The following SARM1 variants were observed in gnomAD, a reference collection of about 807,000 sequenced individuals.
SARM1 encodes the protein sterile alpha and TIR motif containing 1.
Under a neutral mutation model 65.1 loss-of-function variants are expected in SARM1, and 60 were observed. The observed-to-expected ratio is 0.92, with a 90% CI of 0.75 to 1.14. SARM1 has a LOEUF of 1.14. SARM1 is among the 50% of genes most tolerant of loss of function. SARM1 has a pLI of 0.00. For synonymous variants in SARM1, 417 were observed against 465.4 expected, an observed-to-expected ratio of 0.90 and a Z score of 1.34; for missense variants, 913 against 1,015.7, an observed-to-expected ratio of 0.90 and a Z score of 1.37.
Position 28,399,947 on chromosome 17 carries a change from G to T in SARM1, c.*3661G>T. The T allele has an allele frequency of 1.9e-6, 1 of 520,474 alleles. No individual in the cohort carries two copies. The highest frequency in any genetic ancestry group is 3.5e-6 in the Non-Finnish European group (1 of 288,054). 32.2% of individuals were successfully genotyped at this position (520,474 alleles called of 1,614,324 possible). On this transcript the variant is annotated 3_prime_UTR_variant, in exon 9 of 9. Transcript: ENST00000585482. ...CTTGCTCTGTTGTCCAGGCTGGAGGGCAGTGACATAATCATAGCTCACTGT... is the reference window on the plus strand; with the variant it reads ...CTTGCTCTGTTGTCCAGGCTGGAGGTCAGTGACATAATCATAGCTCACTGT...
chr17:28,392,229 A>G (rs2068084550), intron 7 of SARM1, among the ~76,000 whole-genome samples: 1 of 151,422 alleles, frequency 6.6e-6, no homozygotes, highest in Admixed American at 6.6e-5. Flanking sequence ...CCCCTGCCTC[A>G]GCCTCCTGAG....
chr17:28,399,956 T>A lies in SARM1; in HGVS notation c.*3670T>A, dbSNP rs1349530121. 1 of 506,194 alleles carries A rather than the reference T, an allele frequency of 2.0e-6. No individual in the cohort carries two copies. The highest frequency in any genetic ancestry group is 3.6e-6 in the Non-Finnish European group (1 of 279,404). The allele number at this position is 506,194 out of a possible 1,614,324, so 31.4% of individuals were successfully genotyped here. On this transcript the variant is annotated 3_prime_UTR_variant, in exon 9 of 9. Coordinates refer to ENST00000585482, the MANE Select transcript of SARM1 (RefSeq NM_015077.4). ...TTGTCCAGGCTGGAGGGCAGTGACA[T>A]AATCATAGCTCACTGTACCCTTGAA...
At chr17:28,383,619 G>A (rs1185610981) in intron 2 of SARM1, among the ~76,000 whole-genome samples, 6 of 152,290 alleles carry the variant, frequency 3.9e-5, no homozygotes, top group East Asian at 1.9e-4. Flanking sequence ...CTTTCCCATC[G>A]AGGCCAAGTG....
intron 1 of SARM1, among the ~76,000 whole-genome samples, chr17:28,378,422 CTAT>C (rs1247955030): frequency 1.3e-5 from 2 of 152,236 alleles, no homozygotes; most frequent in Non-Finnish European, 2.9e-5. Flanking sequence ...AATGCCCACA[CTAT>C]TCTCTTGCCC....
chr17:28,375,204 C>G (rs782098914), intron 1 of SARM1, among the ~76,000 whole-genome samples: 1 of 152,150 alleles, frequency 6.6e-6, no homozygotes, highest in Non-Finnish European at 1.5e-5. Flanking sequence ...TATTCACAGT[C>G]CACCCCCTTC....
In SARM1 at chr17:28,396,549, G is replaced by C. The variant is rs1555588078; in HGVS notation, c.*263G>C. On this transcript the variant is annotated 3_prime_UTR_variant, in exon 9 of 9. Coordinates refer to ENST00000585482, the MANE Select transcript of SARM1 (RefSeq NM_015077.4). ...CATTGGGTTGTCTGTCTCCGTCATG[G>C]GGAGGGTCCCTGCTCAGTTCTGGAG... The C allele has an allele frequency of 1.9e-6, 1 of 522,986 alleles. No homozygotes were observed. The highest frequency in any genetic ancestry group is 3.4e-6 in the Non-Finnish European group (1 of 289,866). 32.4% of individuals were successfully genotyped at this position (522,986 alleles called of 1,614,324 possible).
At position 28,381,207 on chromosome 17, in the gene SARM1, C is replaced by A; in HGVS notation, c.475C>A (p.Arg159Ser). 6.3e-7 allele frequency: 1 copy of A among 1,594,562 alleles called. No homozygotes were observed. The change falls in exon 2 of 9, where the codon CGC (arginine) becomes AGC (serine). Residue 159 changes from arginine (R) to serine (S), a missense_variant. By Grantham distance (110) the Arg-to-Ser change is moderately radical. Coordinates refer to ENST00000585482, the MANE Select transcript of SARM1 (RefSeq NM_015077.4). ...EQILVAENRD[R>S]VARIGLGVIL... is the part of the protein sequence containing the mutation. ...CCTTCCACTTTCACTGGGCAGAGAC[C>A]GCGTGGCGCGCATTGGGCTGGGCGT...
chr17:28,392,803 C>T (rs910388821), intron 7 of SARM1, among the ~76,000 whole-genome samples: 2 of 152,144 alleles, frequency 1.3e-5, no homozygotes, highest in South Asian at 2.1e-4. Flanking sequence ...CACCCCTTGT[C>T]GTCCCAGCAG....
In SARM1 at chr17:28,375,534, G is replaced by A. The variant is rs1461830296; in HGVS notation, c.470+3032G>A. On this transcript the variant is annotated intron_variant, in intron 1 of 8. Transcript: ENST00000585482. ...AATTGTTTGAACCAGGGAGGTGGAGGTTGCAGTGAGCCGAGATCGTGCCGC... is the reference window on the plus strand; with the variant it reads ...AATTGTTTGAACCAGGGAGGTGGAGATTGCAGTGAGCCGAGATCGTGCCGC... Among the ~76,000 whole-genome samples, 4 of 151,552 alleles carry A rather than the reference G, an allele frequency of 2.6e-5. No individual in the cohort carries two copies. In the East Asian group the frequency reaches 7.7e-4, roughly 29 times the overall value.
rs80338775 is a variant in SARM1 at position 28,402,322 on chromosome 17, C to G, written c.*6036C>G. 6.2e-7 allele frequency: 1 copy of G among 1,612,562 alleles called. No homozygotes were observed. Among genetic ancestry groups the G allele is most frequent in the South Asian group, 1.1e-5 (1 of 90,652 alleles). On this transcript the variant is annotated 3_prime_UTR_variant, in exon 9 of 9. Coordinates refer to ENST00000585482, the MANE Select transcript of SARM1 (RefSeq NM_015077.4). ...AATGACAGGAAAAGCAACCCATATC[C>G]TGTGGAGAAACAAACACTCATCAGG...
chr17:28,384,703 C>T lies in SARM1; in HGVS notation c.1302+134C>T, dbSNP rs1339642262. 1.7e-6 allele frequency: 2 copies of T among 1,205,120 alleles called. No homozygotes were observed. The highest frequency in any genetic ancestry group is 2.4e-6 in the Non-Finnish European group (2 of 849,632). 74.7% of individuals were successfully genotyped at this position (1,205,120 alleles called of 1,614,324 possible). A position where few individuals can be genotyped will look rare whatever the true frequency, so the allele number is the denominator to read the frequency against. On this transcript the variant is annotated intron_variant, in intron 3 of 8. Coordinates refer to ENST00000585482, the MANE Select transcript of SARM1 (RefSeq NM_015077.4). The surrounding 1 kb of genome is among the most constrained non-coding windows in gnomAD (Gnocchi z 4.4). ...GGGCGGGGAGCCTGTACGCAGCCAC[C>T]GTTAGGGTCACTCGGCTCTGATCTA...
At chr17:28,373,821 A>G (rs1316738272) in intron 1 of SARM1, 1 of 152,146 alleles carries the variant, frequency 6.6e-6, no homozygotes, top group African/African-American at 2.4e-5. Context: ...GCTATATCTC[A>G]AGGTTAAAAA....
chr17:28,393,784 A>C (rs2068093633), intron 7 of SARM1, among the ~76,000 whole-genome samples: 1 of 152,218 alleles, frequency 6.6e-6, no homozygotes, highest in South Asian at 2.1e-4. Context: ...AAAGATGCTG[A>C]GATATAAGGT....
In SARM1 at chr17:28,398,215, G is replaced by A. The variant is rs2068154643; in HGVS notation, c.*1929G>A. On this transcript the variant is annotated 3_prime_UTR_variant, in exon 9 of 9. Coordinates refer to ENST00000585482, the MANE Select transcript of SARM1 (RefSeq NM_015077.4). ...CCAATCAGTCCCACTCCCTCCTGAG[G>A]TCCCCAAGGGCAGTATTCAGAGAGG... The A allele has an allele frequency of 1.3e-5, 2 of 152,366 alleles. No homozygotes were observed. The highest frequency in any genetic ancestry group is 1.5e-5 in the Non-Finnish European group (1 of 68,186). The allele number at this position is 152,366 out of a possible 1,614,324, so 9.4% of individuals were successfully genotyped here.
At chr17:28,389,992 T>G (rs553963255) in intron 7 of SARM1, among the ~76,000 whole-genome samples, 2 of 152,254 alleles carry the variant, frequency 1.3e-5, no homozygotes, top group African/African-American at 4.8e-5. Flanking sequence ...AGAGTCAGAC[T>G]CTATGAGCGA....
chr17:28,381,154 T>C (rs782623470), intron 1 of SARM1, 49 bp from the exon 2 acceptor site: 2 of 1,533,808 alleles, frequency 1.3e-6, no homozygotes, highest in African/African-American at 1.4e-5. Context: ...CAAGCCAAGC[T>C]CCCCAAGCTG....
Position 28,385,152 on chromosome 17 carries a change from T to C in SARM1, c.1507T>C (p.Tyr503His), listed in dbSNP as rs545884324. 1.9e-6 allele frequency: 3 copies of C among 1,613,058 alleles called. No individual in the cohort carries two copies. The highest frequency in any genetic ancestry group is 2.2e-5 in the South Asian group (2 of 91,018). The change falls in exon 5 of 9, where the codon TAC (tyrosine) becomes CAC (histidine). Residue 503 changes from tyrosine to histidine, a missense_variant. Coordinates refer to ENST00000585482, the MANE Select transcript of SARM1 (RefSeq NM_015077.4). The surrounding 1 kb of genome is among the most constrained non-coding windows in gnomAD (Gnocchi z 4.5). ...GGACCCGCGCTTCCGCCAGTACACC[T>C]ACGGCCTGGTCAGCTGCGGCCTGGA... ...SLDPRFRQYT[Y>H]GLVSCGLDRS...
Position 28,372,404 on chromosome 17 carries a change from C to T in SARM1, c.372C>T (p.Gly124=). ...TGTGCGACGCCATCCGCCTCGATGG[C>T]GGCCTCGACCTGCTGTTGCGGCTGC... The part of the protein sequence containing the change: ...QGLCDAIRLD[G]GLDLLLRLLQ... The change falls in exon 1 of 9, where the codon GGC becomes GGT. Residue 124 remains glycine (G), a synonymous_variant. Coordinates refer to ENST00000585482, the MANE Select transcript of SARM1 (RefSeq NM_015077.4). This position sits in a 1 kb window ranked among gnomAD's most constrained non-coding sequence, Gnocchi z 5.2. The T allele has an allele frequency of 6.5e-7, 1 of 1,528,598 alleles. No individual in the cohort carries two copies. The highest frequency in any genetic ancestry group is 8.7e-7 in the Non-Finnish European group (1 of 1,144,254). The allele number at this position is 1,528,598 out of a possible 1,614,324, so 94.7% of individuals were successfully genotyped here.
chr17:28,371,914 C>T lies in SARM1; in HGVS notation c.-119C>T. On this transcript the variant is annotated 5_prime_UTR_variant, in exon 1 of 9. Transcript: ENST00000585482. ...CACCCTTGCCTGGTACCCTTCTCTC[C>T]ATTCCTCCCCCTCCATCTTCTTTCC... 1.4e-6 allele frequency: 1 copy of T among 689,954 alleles called. No homozygotes were observed. The highest frequency in any genetic ancestry group is 2.2e-6 in the Non-Finnish European group (1 of 456,820). 42.7% of individuals were successfully genotyped at this position (689,954 alleles called of 1,614,324 possible).
Sources: allele counts gnomAD v4.1 joint callset (sites outside exome capture counted in the v4.1 genomes callset), GRCh38; gene constraint gnomAD v4.1.1; non-coding constraint Gnocchi (gnomAD v3.1); transcripts MANE v1.5; gene names NCBI Gene and HGNC (gene_info 2026-07-23, HGNC 2026-07-21).